Variants in MTUS2 observed in about 807,000 individuals in gnomAD.
MTUS2 encodes microtubule-associated tumor suppressor candidate 2.
A neutral mutation model predicts 114.1 loss-of-function variants in MTUS2; 40 were observed. That is an observed-to-expected ratio of 0.35 (90% CI 0.27 to 0.46). The LOEUF (loss-of-function observed/expected upper bound fraction) is 0.46, where lower values mean the gene tolerates loss of function less well. MTUS2 is among the 20% of genes least tolerant of loss of function. The pLI, the probability that MTUS2 is intolerant of heterozygous loss-of-function variation, is 1.00. For synonymous variants in MTUS2, 688 were observed against 672.0 expected (o/e 1.02, Z -0.37); for missense variants, 1,679 against 1,705.4 (o/e 0.98, Z 0.27).
intron 2 of MTUS2, among the ~76,000 whole-genome samples, chr13:28,907,074 C>A (rs905389382): frequency 6.6e-6 from 1 of 151,610 alleles, no homozygotes; most frequent in African/African-American, 2.4e-5. Flanking sequence ...CCGTACAAGC[C>A]AGAAGAGAGT....
chr13:28,912,271 C>G (rs749856724), intron 2 of MTUS2, among the ~76,000 whole-genome samples: 2 of 152,130 alleles, frequency 1.3e-5, no homozygotes, highest in Non-Finnish European at 2.9e-5. Flanking sequence ...ATAGGGAACC[C>G]TTTCCCCATT....
chr13:29,207,893 G>C (rs925248638), intron 5 of MTUS2, among the ~76,000 whole-genome samples: 1 of 151,696 alleles, frequency 6.6e-6, no homozygotes, highest in African/African-American at 2.4e-5. Context: ...TCTTTTTTGT[G>C]TGTGATGTTC....
At chr13:29,176,471 G>A (rs1893777205) in intron 5 of MTUS2, among the ~76,000 whole-genome samples, 1 of 152,108 alleles carries the variant, frequency 6.6e-6, no homozygotes, top group Admixed American at 6.5e-5. Flanking sequence ...GCCTGTCCAG[G>A]GTCTTAGTCC....
At chr13:29,425,793 C>T (rs1030448799) in intron 8 of MTUS2, among the ~76,000 whole-genome samples, 9 of 152,302 alleles carry the variant, frequency 5.9e-5, no homozygotes, top group Non-Finnish European at 1.3e-4. Flanking sequence ...GACTGGACTA[C>T]GGAAGTGCCG....
chr13:29,234,271 C>T (rs746145153), intron 5 of MTUS2, among the ~76,000 whole-genome samples: 8 of 152,152 alleles, frequency 5.3e-5, no homozygotes, highest in African/African-American at 1.7e-4. Flanking sequence ...TACAGACAGG[C>T]ATGCTCTGGA....
intron 4 of MTUS2, among the ~76,000 whole-genome samples, chr13:29,097,028 A>T (rs1285165025): frequency 6.6e-6 from 1 of 152,134 alleles, no homozygotes; most frequent in African/African-American, 2.4e-5. Flanking sequence ...TACAACATGG[A>T]ACTGGGGGTG....
chr13:29,273,446 C>CA (rs1311197369), intron 5 of MTUS2, among the ~76,000 whole-genome samples: 1 of 152,140 alleles, frequency 6.6e-6, no homozygotes, highest in Non-Finnish European at 1.5e-5. Flanking sequence ...CAGAAAAGAA[C>CA]ACTAGGAGTC....
At chr13:29,315,874 A>T (rs897663681) in intron 6 of MTUS2, among the ~76,000 whole-genome samples, 13 of 152,216 alleles carry the variant, frequency 8.5e-5, no homozygotes, top group African/African-American at 3.1e-4. Flanking sequence ...TGGCAAGGGG[A>T]TAGAAGGTTG....
chr13:29,183,355 A>C (rs1045194199), intron 5 of MTUS2, among the ~76,000 whole-genome samples: 1 of 152,064 alleles, frequency 6.6e-6, no homozygotes, highest in Non-Finnish European at 1.5e-5. Context: ...AGATGAGGAA[A>C]ACAGCAGGGG....
At position 29,503,002 on chromosome 13, in the gene MTUS2, G is replaced by A. The variant is rs201396320; in HGVS notation, c.3906G>A (p.Ser1302=). The change falls in exon 16 of 16, where the codon TCG becomes TCA. Residue 1302 remains serine (S), a synonymous_variant. Coordinates refer to ENST00000612955, the MANE Select transcript of MTUS2 (RefSeq NM_001033602.4). ...DQNTVVTRQL[S]EENANLQEYV... Reference sequence around the variant, plus strand: ...CATTGTGCCCATGCAGACAGCTGTCGGAGGAAAATGCTAACCTCCAGGAAT... The same window carrying A: ...CATTGTGCCCATGCAGACAGCTGTCAGAGGAAAATGCTAACCTCCAGGAAT... 111 of 1,613,996 alleles carry A rather than the reference G, an allele frequency of 6.9e-5. No homozygotes were observed. Among genetic ancestry groups the A allele is most frequent in the Non-Finnish European group, 8.5e-5 (100 of 1,180,018 alleles).
intron 5 of MTUS2, among the ~76,000 whole-genome samples, chr13:29,196,121 G>C (rs1413938136): frequency 1.3e-5 from 2 of 150,278 alleles, no homozygotes; most frequent in South Asian, 2.1e-4. Context: ...TTTTGAGATG[G>C]AGTCTCGCTC....
At chr13:29,407,833 C>T (rs1874896439) in intron 8 of MTUS2, among the ~76,000 whole-genome samples, 1 of 152,086 alleles carries the variant, frequency 6.6e-6, no homozygotes, top group Admixed American at 6.6e-5. Context: ...CCGTTTACTC[C>T]ACGTACTAGC....
chr13:28,855,244 G>C (rs1407318410), intron 2 of MTUS2, among the ~76,000 whole-genome samples: 1 of 151,794 alleles, frequency 6.6e-6, no homozygotes, highest in Non-Finnish European at 1.5e-5. Flanking sequence ...CATCTCACAG[G>C]CACTAGTCAT....
At chr13:29,054,643 A>C (rs1471477081) in intron 4 of MTUS2, among the ~76,000 whole-genome samples, 1 of 152,148 alleles carries the variant, frequency 6.6e-6, no homozygotes. Context: ...AGAAATTATT[A>C]AGCTGGTAAC....
intron 4 of MTUS2, among the ~76,000 whole-genome samples, chr13:29,068,155 G>A (rs747960733): frequency 2.3e-4 from 35 of 152,138 alleles, no homozygotes; most frequent in Non-Finnish European, 4.3e-4. Flanking sequence ...ATTGACCTTG[G>A]AACTTATCTT....
intron 1 of MTUS2, among the ~76,000 whole-genome samples, chr13:28,831,821 A>G (rs1856965): frequency 0.52 from 78,752 of 151,480 alleles, 21,207 homozygotes; most frequent in African/African-American, 0.59. Context: ...CAGTGGTGCC[A>G]TCTTGGCTCA....
chr13:29,217,398 T>A (rs1276982964), intron 5 of MTUS2, among the ~76,000 whole-genome samples: 3 of 152,194 alleles, frequency 2.0e-5, no homozygotes, highest in Non-Finnish European at 4.4e-5. Context: ...TAAAGGTGAG[T>A]CATAGGACAT....
chr13:28,998,757 C>G (rs1885239539), intron 2 of MTUS2, among the ~76,000 whole-genome samples: 1 of 152,176 alleles, frequency 6.6e-6, no homozygotes, highest in African/African-American at 2.4e-5. Context: ...CCATTAAGGA[C>G]TTCTCTGCAT....
chr13:29,058,809 C>T (rs185507899), intron 4 of MTUS2, among the ~76,000 whole-genome samples: 14 of 149,974 alleles, frequency 9.3e-5, no homozygotes, highest in African/African-American at 2.7e-4. Context: ...TGAGAACATG[C>T]GGTGTTTGGT....
Sources: gnomAD v4.1 joint callset for allele counts (sites outside exome capture counted in the v4.1 genomes callset) on GRCh38, gnomAD v4.1.1 for gene constraint, MANE v1.5 for transcripts, NCBI Gene and HGNC (gene_info 2026-07-23, HGNC 2026-07-21) for gene names.